The following TGFB2 variants were observed in gnomAD, a reference collection of about 807,000 sequenced individuals.
TGFB2 encodes transforming growth factor beta-2 proprotein.
TGFB2 carries 13 observed loss-of-function variants against 42.7 expected under a neutral mutation model. That is an observed-to-expected ratio of 0.30 (90% CI 0.20 to 0.48). The LOEUF (loss-of-function observed/expected upper bound fraction) is 0.48. Ranked by LOEUF, TGFB2 falls within the 20% of genes least tolerant of loss-of-function variation. The pLI is 0.99. For synonymous variants in TGFB2, 193 were observed against 193.6 expected (o/e 1.00, Z 0.03); for missense variants, 390 against 517.5 (o/e 0.75, Z 2.39).
chr1:218,435,974 T>C lies in TGFB2; in HGVS notation c.759T>C (p.Ile253=), dbSNP rs1659956399. ...SEELEARFAG[I]DGTSTYTSGD... Reference sequence around the variant, plus strand: ...ACCCAAATGCATTTTTTCAAGGTATTGATGGCACCTCCACATATACCAGTG... The same window carrying C: ...ACCCAAATGCATTTTTTCAAGGTATCGATGGCACCTCCACATATACCAGTG... Residue 253 remains isoleucine, a synonymous_variant, in exon 5 of 7, where the codon ATT becomes ATC. Coordinates refer to ENST00000366930, the MANE Select transcript of TGFB2 (RefSeq NM_003238.6). 9 of 1,603,500 alleles carry C rather than the reference T, an allele frequency of 5.6e-6. No homozygotes were observed. The highest frequency in any genetic ancestry group is 7.6e-6 in the Non-Finnish European group (9 of 1,176,736).
chr1:218,363,045 T>C (rs1298109865), intron 1 of TGFB2, among the ~76,000 whole-genome samples: 1 of 152,224 alleles, frequency 6.6e-6, no homozygotes, highest in Non-Finnish European at 1.5e-5. Flanking sequence ...ACCGTTTCAG[T>C]ATGTAAATTG....
intron 1 of TGFB2, among the ~76,000 whole-genome samples, chr1:218,392,196 A>G (rs1658336977): frequency 6.6e-6 from 1 of 152,188 alleles, no homozygotes; most frequent in Non-Finnish European, 1.5e-5. Flanking sequence ...TAAAAAAATA[A>G]GAATAAAATA....
At chr1:218,350,883 A>G (rs963060763) in intron 1 of TGFB2, among the ~76,000 whole-genome samples, 31 of 152,246 alleles carry the variant, frequency 2.0e-4, no homozygotes, top group African/African-American at 7.2e-4. Flanking sequence ...GTTAACAAAG[A>G]GTGGAATCTC....
intron 2 of TGFB2, among the ~76,000 whole-genome samples, chr1:218,406,729 A>G (rs906860179): frequency 6.6e-6 from 1 of 152,140 alleles, no homozygotes; most frequent in Non-Finnish European, 1.5e-5. Flanking sequence ...ACAGTCTTGA[A>G]TGGGCTTGCT....
chr1:218,362,219 A>C (rs367847012), intron 1 of TGFB2, among the ~76,000 whole-genome samples: 41 of 152,240 alleles, frequency 2.7e-4, no homozygotes, highest in African/African-American at 8.4e-4. Context: ...TGTTGAAAGA[A>C]GTTTTCAAGT....
chr1:218,428,733 C>T (rs1408760276), intron 2 of TGFB2, among the ~76,000 whole-genome samples: 3 of 152,114 alleles, frequency 2.0e-5, no homozygotes, highest in Non-Finnish European at 2.9e-5. Context: ...TTTTTGGTTA[C>T]TGTAGCCTTG....
intron 2 of TGFB2, among the ~76,000 whole-genome samples, chr1:218,419,946 G>A (rs1258986036): frequency 6.6e-6 from 1 of 151,994 alleles, no homozygotes; most frequent in Non-Finnish European, 1.5e-5. Flanking sequence ...TTATTTATTT[G>A]GGCTTGTTAG....
At chr1:218,434,292 G>A (rs777975837) in intron 3 of TGFB2, 46 bp from the exon 4 acceptor site, 57 of 1,612,024 alleles carry the variant, frequency 3.5e-5, no homozygotes, top group Non-Finnish European at 4.4e-5. Flanking sequence ...AGATTTAAGG[G>A]TATAGACACA....
intron 1 of TGFB2, among the ~76,000 whole-genome samples, chr1:218,360,831 A>G (rs936143133): frequency 1.3e-5 from 2 of 152,136 alleles, no homozygotes; most frequent in African/African-American, 4.8e-5. Context: ...GTGCTGCTTC[A>G]ATGATGTAGA....
At chr1:218,399,782 C>T (rs1658652331) in intron 1 of TGFB2, among the ~76,000 whole-genome samples, 1 of 151,940 alleles carries the variant, frequency 6.6e-6, no homozygotes, top group African/African-American at 2.4e-5. Context: ...TTTGGTCTGT[C>T]AGGCTATCAG....
At chr1:218,411,093 G>C (rs1170572307) in intron 2 of TGFB2, among the ~76,000 whole-genome samples, 3 of 152,092 alleles carry the variant, frequency 2.0e-5, no homozygotes. Flanking sequence ...AGGACTTGGA[G>C]CTCTCCAGTA....
Position 218,443,948 on chromosome 1 carries a change from A to T in TGFB2, c.*2586A>T, listed in dbSNP as rs1274145531. 1 of 152,106 alleles carries T rather than the reference A, an allele frequency of 6.6e-6. No homozygotes were observed. Among genetic ancestry groups the T allele is most frequent in the Non-Finnish European group, 1.5e-5 (1 of 68,026 alleles). The allele number at this position is 152,106 out of a possible 1,614,324, so 9.4% of individuals were successfully genotyped here. A position where few individuals can be genotyped will look rare whatever the true frequency, so the allele number is the denominator to read the frequency against. ...ATTACGCTGTATTTTAACACGATGTATGTCTGTTTTTGTGGTGCTCTAGTG... is the reference window on the plus strand; with the variant it reads ...ATTACGCTGTATTTTAACACGATGTTTGTCTGTTTTTGTGGTGCTCTAGTG... On this transcript the variant is annotated 3_prime_UTR_variant, in exon 7 of 7. Coordinates refer to ENST00000366930, the MANE Select transcript of TGFB2 (RefSeq NM_003238.6).
At chr1:218,396,613 A>G (rs537503270) in intron 1 of TGFB2, among the ~76,000 whole-genome samples, 1 of 151,920 alleles carries the variant, frequency 6.6e-6, no homozygotes, top group East Asian at 1.9e-4. Flanking sequence ...CTCCTTGGCT[A>G]TATAGAAAGT....
chr1:218,427,329 C>A (rs1270358623), intron 2 of TGFB2, among the ~76,000 whole-genome samples: 1 of 151,584 alleles, frequency 6.6e-6, no homozygotes, highest in Non-Finnish European at 1.5e-5. Context: ...TTTTTTTCTT[C>A]TTATTTATTT....
intron 1 of TGFB2, among the ~76,000 whole-genome samples, chr1:218,389,704 T>G (rs2102576801): frequency 6.6e-6 from 1 of 152,334 alleles, no homozygotes; most frequent in African/African-American, 2.4e-5. Context: ...CGTTCTTTAT[T>G]GGTAACCTTT....
intron 1 of TGFB2, among the ~76,000 whole-genome samples, chr1:218,358,548 CTTTT>C: frequency 7.5e-6 from 1 of 134,054 alleles, no homozygotes; most frequent in Admixed American, 7.4e-5. Context: ...ATAGTGAACT[CTTTT>C]TTTTTTTTTT....
intron 2 of TGFB2, among the ~76,000 whole-genome samples, chr1:218,419,089 G>C (rs1571887480): frequency 6.6e-6 from 1 of 152,214 alleles, no homozygotes; most frequent in South Asian, 2.1e-4. Flanking sequence ...CTCTACAGTG[G>C]CTTCGTATCT....
At chr1:218,428,463 T>A (rs1279764364) in intron 2 of TGFB2, among the ~76,000 whole-genome samples, 1 of 152,204 alleles carries the variant, frequency 6.6e-6, no homozygotes, top group Non-Finnish European at 1.5e-5. Context: ...GCTTTTATGG[T>A]TTTAGGTCTA....
chr1:218,411,397 T>G lies in TGFB2; in HGVS notation c.510+6065T>G, dbSNP rs181294987. Among the ~76,000 whole-genome samples, 13 of 152,296 alleles carry G rather than the reference T, an allele frequency of 8.5e-5. No individual in the cohort carries two copies. In the East Asian group the frequency reaches 2.3e-3, roughly 27 times the overall value. On this transcript the variant is annotated intron_variant, in intron 2 of 6. Transcript: ENST00000366930. ...TTGGGCTGGTCTGGAGGATTGATGA[T>G]GGCTTTGTGCCTATGCTTGGAACTT...
Sources: gnomAD v4.1 joint callset for allele counts (sites outside exome capture counted in the v4.1 genomes callset) on GRCh38, gnomAD v4.1.1 for gene constraint, MANE v1.5 for transcripts, NCBI Gene and HGNC (gene_info 2026-07-23, HGNC 2026-07-21) for gene names.